KCNAB1: variants seen among roughly 807,000 people sequenced by gnomAD.
The protein encoded by KCNAB1 is potassium voltage-gated channel subfamily A regulatory beta subunit 1.
In KCNAB1, 35 loss-of-function variants were observed where a neutral mutation model predicts 64.6. That is an observed-to-expected ratio of 0.54 (90% CI 0.41 to 0.72). The LOEUF (loss-of-function observed/expected upper bound fraction) is 0.72. KCNAB1 is among the 30% of genes least tolerant of loss of function. The pLI is 0.00. For missense variants in KCNAB1, 401 were observed against 512.9 expected, an observed-to-expected ratio of 0.78 and a Z score of 2.11; for synonymous variants, 177 against 183.8, an observed-to-expected ratio of 0.96 and a Z score of 0.30.
chr3:156,129,343 C>CA (rs1713861275), intron 1 of KCNAB1, among the ~76,000 whole-genome samples: 1 of 152,192 alleles, frequency 6.6e-6, no homozygotes, highest in Non-Finnish European at 1.5e-5. Flanking sequence ...GTGGTGATAT[C>CA]ATACCATGAG....
intron 1 of KCNAB1, among the ~76,000 whole-genome samples, chr3:156,294,419 T>C (rs989154989): frequency 2.6e-5 from 4 of 152,196 alleles, no homozygotes; most frequent in Non-Finnish European, 4.4e-5. Context: ...GATTCTACTC[T>C]GAGTGACCTT....
At position 156,382,810 on chromosome 3, in the gene KCNAB1, C is replaced by G. The variant is rs180842387; in HGVS notation, c.276-38806C>G. On this transcript the variant is annotated intron_variant, in intron 1 of 13. Transcript: ENST00000490337. ...AACCACTTTGGGATCTCCAAGTGAC[C>G]ACCATAAGCAGAGCACCCTGCCTAC... 4.5e-3 allele frequency among the ~76,000 whole-genome samples: 679 copies of G among 152,310 alleles called. 7 individuals carry two copies. Among genetic ancestry groups the G allele is most frequent in the African/African-American group, 0.014 (595 of 41,572 alleles).
At chr3:156,214,869 C>T (rs575266138) in intron 1 of KCNAB1, among the ~76,000 whole-genome samples, 13 of 152,090 alleles carry the variant, frequency 8.5e-5, no homozygotes, top group African/African-American at 1.4e-4. Flanking sequence ...TGTGTTTGCA[C>T]GAAACACATC....
At chr3:156,328,319 A>G (rs1422905530) in intron 1 of KCNAB1, among the ~76,000 whole-genome samples, 1 of 152,092 alleles carries the variant, frequency 6.6e-6, no homozygotes, top group Non-Finnish European at 1.5e-5. Context: ...TTTGAGGAGG[A>G]GCTATAGCAG....
At chr3:156,463,844 C>A in intron 6 of KCNAB1, 98 bp downstream of exon 6, 2 of 883,926 alleles carry the variant, frequency 2.3e-6, no homozygotes, top group Non-Finnish European at 3.5e-6. Flanking sequence ...AATTAATTGG[C>A]TTAGAGAGAG....
intron 1 of KCNAB1, among the ~76,000 whole-genome samples, chr3:156,202,445 T>C (rs1386375284): frequency 6.6e-6 from 1 of 152,216 alleles, no homozygotes; most frequent in East Asian, 1.9e-4. Flanking sequence ...CAACGCCTTT[T>C]CTCTAACGAT....
chr3:156,454,592 C>A (rs1712250896), intron 3 of KCNAB1, among the ~76,000 whole-genome samples: 1 of 152,156 alleles, frequency 6.6e-6, no homozygotes, highest in Admixed American at 6.5e-5. Flanking sequence ...TACTACAGGA[C>A]TCTGTCTGAC....
chr3:156,279,733 T>C (rs1719576362), intron 1 of KCNAB1, among the ~76,000 whole-genome samples: 2 of 152,242 alleles, frequency 1.3e-5, no homozygotes, highest in African/African-American at 2.4e-5. Flanking sequence ...ATGAGCATTT[T>C]TTCATTTGTT....
chr3:156,458,152 G>A (rs1169585639), intron 4 of KCNAB1, among the ~76,000 whole-genome samples: 2 of 152,176 alleles, frequency 1.3e-5, no homozygotes, highest in East Asian at 1.9e-4. Context: ...GAGAGTCCTC[G>A]CTTCTTTTGT....
At chr3:156,354,045 ATATGTG>A (rs1157233060) in intron 1 of KCNAB1, among the ~76,000 whole-genome samples, 18 of 117,324 alleles carry the variant, frequency 1.5e-4, no homozygotes, top group African/African-American at 9.0e-4. Context: ...GTGTGTATAT[ATATGTG>A]TGTGTGTGTG....
chr3:156,201,144 C>T (rs1360616409), intron 1 of KCNAB1, among the ~76,000 whole-genome samples: 1 of 152,140 alleles, frequency 6.6e-6, no homozygotes, highest in African/African-American at 2.4e-5. Context: ...ATGGGCTGCA[C>T]CCACTATCTA....
chr3:156,536,826 T>C lies in KCNAB1; in HGVS notation c.*79T>C, dbSNP rs973220914. ...TACAGAAAGGTGTTACTAACCAGTC[T>C]TTTGAATCACTTAGCAGCTTGCTGC... On this transcript the variant is annotated 3_prime_UTR_variant, in exon 14 of 14. Coordinates refer to ENST00000490337, the MANE Select transcript of KCNAB1 (RefSeq NM_172160.3). 20 of 988,042 alleles carry C rather than the reference T, an allele frequency of 2.0e-5. No homozygotes were observed. The highest frequency in any genetic ancestry group is 1.6e-4 in the Admixed American group (9 of 56,758). 61.2% of individuals were successfully genotyped at this position (988,042 alleles called of 1,614,324 possible).
chr3:156,516,753 GACAA>G (rs1052432684), intron 11 of KCNAB1, among the ~76,000 whole-genome samples: 4 of 152,162 alleles, frequency 2.6e-5, no homozygotes, highest in African/African-American at 4.8e-5. Context: ...TCCTTTTCTT[GACAA>G]ACAAAGTGTA....
intron 1 of KCNAB1, among the ~76,000 whole-genome samples, chr3:156,320,926 A>G (rs1475846690): frequency 1.4e-5 from 2 of 145,560 alleles, no homozygotes; most frequent in African/African-American, 2.7e-5. Flanking sequence ...TTTTTTTTCT[A>G]CATGTATTTA....
chr3:156,174,689 G>A (rs901509762), intron 1 of KCNAB1, among the ~76,000 whole-genome samples: 1 of 152,166 alleles, frequency 6.6e-6, no homozygotes. Flanking sequence ...AGGTCGAGAA[G>A]AGCTGGAGGG....
intron 1 of KCNAB1, among the ~76,000 whole-genome samples, chr3:156,187,484 T>A (rs1406165800): frequency 2.0e-5 from 3 of 152,178 alleles, no homozygotes; most frequent in Non-Finnish European, 4.4e-5. Flanking sequence ...ATCTCCCCAT[T>A]CCATCCTGCT....
At chr3:156,189,685 A>G (rs1713434851) in intron 1 of KCNAB1, among the ~76,000 whole-genome samples, 1 of 149,990 alleles carries the variant, frequency 6.7e-6, no homozygotes, top group Admixed American at 6.6e-5. Context: ...TCAGAGAAAG[A>G]AAAGCTTATT....
intron 8 of KCNAB1, among the ~76,000 whole-genome samples, chr3:156,476,223 T>C (rs1173586320): frequency 3.3e-5 from 5 of 152,004 alleles, no homozygotes; most frequent in Non-Finnish European, 5.9e-5. Context: ...TAGCGGTGAT[T>C]TGTAAGATTT....
intron 1 of KCNAB1, among the ~76,000 whole-genome samples, chr3:156,180,869 G>A (rs896513847): frequency 1.3e-5 from 2 of 152,156 alleles, no homozygotes; most frequent in Non-Finnish European, 2.9e-5. Flanking sequence ...ACATTAGTTT[G>A]TTTGGGTTGC....
Sources: allele counts gnomAD v4.1 joint callset (sites outside exome capture counted in the v4.1 genomes callset), GRCh38; gene constraint gnomAD v4.1.1; transcripts MANE v1.5; gene names NCBI Gene and HGNC (gene_info 2026-07-23, HGNC 2026-07-21).